SAMD5: variants seen among roughly 807,000 people sequenced by gnomAD.
The protein encoded by SAMD5 is sterile alpha motif domain containing 5.
Under a neutral mutation model 11.3 loss-of-function variants are expected in SAMD5, and 13 were observed. That is an observed-to-expected ratio of 1.15 (90% confidence interval 0.75 to 1.83). The LOEUF is 1.83. Ranked by LOEUF, SAMD5 falls within the 40% of genes most tolerant of loss-of-function variation. The pLI is 0.00. For synonymous variants in SAMD5, 129 were observed against 111.3 expected (o/e 1.16, Z -1.00); for missense variants, 255 against 239.1 (o/e 1.07, Z -0.44).
chr6:147,657,163 C>T lies in SAMD5; in HGVS notation c.163-80154C>T, dbSNP rs767617273. Among the ~76,000 whole-genome samples, 6 of 151,990 alleles carry T rather than the reference C, an allele frequency of 3.9e-5. No homozygotes were observed. The South Asian group carries it at 6.2e-4, about 16-fold the overall frequency. On this transcript the variant is annotated intron_variant, in intron 1 of 1. Coordinates refer to the SAMD5 transcript ENST00000566741. ...TGTGCAAGAGAGTATAAGGAAGCTA[C>T]GTACTTTCTTATAGGTATGAAACAA...
chr6:147,617,067 G>A (rs1184062074), intron 1 of SAMD5, among the ~76,000 whole-genome samples: 1 of 152,118 alleles, frequency 6.6e-6, no homozygotes, highest in Non-Finnish European at 1.5e-5. Flanking sequence ...TAATTATTGA[G>A]ATCTAGTTGA....
At chr6:147,785,815 A>G in the SAMD5 span, among the ~76,000 whole-genome samples, 1 of 152,244 alleles carries the variant, frequency 6.6e-6, no homozygotes, top group Admixed American at 6.5e-5. Context: ...TAACAGTGTT[A>G]CTACAGGAAG....
the SAMD5 span, among the ~76,000 whole-genome samples, chr6:147,833,089 G>A: frequency 6.6e-6 from 1 of 152,190 alleles, no homozygotes; most frequent in Admixed American, 6.5e-5. Context: ...GGGAACCACT[G>A]GTTGACAATT....
Position 147,603,950 on chromosome 6 carries a change from T to C in SAMD5, c.162+94563T>C, listed in dbSNP as rs544452416. Among the ~76,000 whole-genome samples the C allele has an allele frequency of 1.5e-4, 23 of 152,340 alleles. No homozygotes were observed. The South Asian group carries it at 4.8e-3, about 32-fold the overall frequency. On this transcript the variant is annotated intron_variant, in intron 1 of 1. Coordinates refer to the SAMD5 transcript ENST00000566741. ...TGATACTACTCTCTAACATTCTTTC[T>C]AGAAGACATTCTATCTTAGCTTATG...
the SAMD5 span, among the ~76,000 whole-genome samples, chr6:147,814,524 A>G: frequency 8.9e-4 from 135 of 152,266 alleles, no homozygotes; most frequent in South Asian, 3.3e-3. Context: ...ATCTGGCTTT[A>G]TGGTATGCTT....
chr6:147,510,367 T>C (rs1385088217), intron 1 of SAMD5, among the ~76,000 whole-genome samples: 1 of 152,142 alleles, frequency 6.6e-6, no homozygotes, highest in African/African-American at 2.4e-5. Context: ...GGGTCCTGAC[T>C]TGATAGAGAA....
the SAMD5 span, among the ~76,000 whole-genome samples, chr6:147,790,992 C>T: frequency 3.3e-5 from 5 of 151,982 alleles, no homozygotes; most frequent in Admixed American, 2.6e-4. Flanking sequence ...CCTTTCTGCA[C>T]ATCTGCATCT....
chr6:147,871,503 C>T, the SAMD5 span, among the ~76,000 whole-genome samples: 1 of 152,104 alleles, frequency 6.6e-6, no homozygotes, highest in South Asian at 2.1e-4. Context: ...TTAAAGATGA[C>T]TGGGCAGAGC....
the SAMD5 span, among the ~76,000 whole-genome samples, chr6:147,823,823 C>T: frequency 6.6e-6 from 1 of 152,268 alleles, no homozygotes. Flanking sequence ...ATGCCGACAA[C>T]ATTAACTTAC....
chr6:147,611,743 C>G (rs192882978), intron 1 of SAMD5, among the ~76,000 whole-genome samples: 2 of 152,116 alleles, frequency 1.3e-5, no homozygotes, highest in Non-Finnish European at 2.9e-5. Context: ...TTAGGAGGAA[C>G]AGAGACTCCT....
At position 147,653,179 on chromosome 6, in the gene SAMD5, A is replaced by G. The variant is rs73787356; in HGVS notation, c.163-84138A>G. ...TCCACGTATTTCCTAGAAATGTACCAAATTTTGATCTAAATAGGAAGTAAG... is the reference window on the plus strand; with the variant it reads ...TCCACGTATTTCCTAGAAATGTACCGAATTTTGATCTAAATAGGAAGTAAG... On this transcript the variant is annotated intron_variant, in intron 1 of 1. Coordinates refer to the SAMD5 transcript ENST00000566741. Among the ~76,000 whole-genome samples the G allele has an allele frequency of 2.1e-3, 316 of 152,382 alleles. 1 individual carries two copies. Among genetic ancestry groups the G allele is most frequent in the African/African-American group, 7.4e-3 (308 of 41,592 alleles).
chr6:147,666,945 A>G (rs1219897061), intron 1 of SAMD5, among the ~76,000 whole-genome samples: 4 of 152,084 alleles, frequency 2.6e-5, no homozygotes, highest in Admixed American at 2.0e-4. Context: ...CTCACCCTGA[A>G]GCCTTTTGTC....
chr6:147,561,411 C>T (rs1788948481), intron 1 of SAMD5, among the ~76,000 whole-genome samples: 1 of 152,176 alleles, frequency 6.6e-6, no homozygotes, highest in Non-Finnish European at 1.5e-5. Flanking sequence ...TGGTCTCGAT[C>T]TCCTAACCTA....
At chr6:147,810,809 G>A in the SAMD5 span, among the ~76,000 whole-genome samples, 1 of 152,158 alleles carries the variant, frequency 6.6e-6, no homozygotes, top group East Asian at 1.9e-4. Context: ...GTGGCACAGA[G>A]AGGTTAATTG....
chr6:147,918,931 T>C, the SAMD5 span, among the ~76,000 whole-genome samples: 1 of 152,088 alleles, frequency 6.6e-6, no homozygotes, highest in Non-Finnish European at 1.5e-5. Context: ...GGTCTCAATC[T>C]CCTGACCTCG....
At chr6:147,878,732 A>G in the SAMD5 span, among the ~76,000 whole-genome samples, 4 of 151,390 alleles carry the variant, frequency 2.6e-5, no homozygotes, top group East Asian at 7.8e-4. Flanking sequence ...ATATCTATAT[A>G]TAGGTCCTAT....
At chr6:147,889,929 G>A in the SAMD5 span, among the ~76,000 whole-genome samples, 3 of 152,064 alleles carry the variant, frequency 2.0e-5, no homozygotes, top group African/African-American at 7.3e-5. Flanking sequence ...GCTCCCTTTG[G>A]CATTGGTGTC....
intron 1 of SAMD5, among the ~76,000 whole-genome samples, chr6:147,553,777 G>A (rs971028352): frequency 6.6e-6 from 1 of 152,106 alleles, no homozygotes; most frequent in Non-Finnish European, 1.5e-5. Flanking sequence ...GACTTTATAA[G>A]CACTGTTCTT....
intron 1 of SAMD5, among the ~76,000 whole-genome samples, chr6:147,640,391 G>A (rs191828858): frequency 6.1e-4 from 91 of 149,212 alleles, no homozygotes; most frequent in African/African-American, 2.0e-3. Context: ...CAGCTACTCC[G>A]GAGGCTGAGA....
Sources: allele counts gnomAD v4.1 joint callset (sites outside exome capture counted in the v4.1 genomes callset), GRCh38; gene constraint gnomAD v4.1.1; transcripts MANE v1.5; gene names NCBI Gene and HGNC (gene_info 2026-07-23, HGNC 2026-07-21).